Variants in ZMIZ1 observed in about 807,000 individuals in gnomAD.
ZMIZ1 encodes zinc finger MIZ domain-containing protein 1.
ZMIZ1 carries 17 observed loss-of-function variants against 113.9 expected under a neutral mutation model. The observed-to-expected ratio is 0.15, with a 90% confidence interval of 0.10 to 0.22. The LOEUF is 0.22. Ranked by LOEUF, ZMIZ1 falls within the 10% of genes least tolerant of loss-of-function variation. The pLI is 1.00. For synonymous variants in ZMIZ1, 607 were observed against 603.1 expected, an observed-to-expected ratio of 1.01 and a Z score of -0.09; for missense variants, 1,059 against 1,477.8, an observed-to-expected ratio of 0.72 and a Z score of 4.65.
chr10:79,256,339 G>T (rs1169799823), intron 7 of ZMIZ1, among the ~76,000 whole-genome samples: 1 of 152,004 alleles, frequency 6.6e-6, no homozygotes, highest in African/African-American at 2.4e-5. Flanking sequence ...CTATGCTCCT[G>T]GCCTGGCACC....
At chr10:79,218,806 T>C (rs1316044851) in intron 7 of ZMIZ1, among the ~76,000 whole-genome samples, 1 of 151,904 alleles carries the variant, frequency 6.6e-6, no homozygotes, top group Non-Finnish European at 1.5e-5. Context: ...GCAAAGGTGT[T>C]GAGGTAGAAG....
chr10:79,186,833 G>C (rs1039467892), intron 4 of ZMIZ1, among the ~76,000 whole-genome samples: 13 of 152,368 alleles, frequency 8.5e-5, no homozygotes, highest in Middle Eastern at 3.4e-3. Flanking sequence ...AGGCTGACTG[G>C]TCAAAGGGGC....
chr10:79,309,821 G>T (rs753665817), intron 23 of ZMIZ1, among the ~76,000 whole-genome samples: 9 of 152,206 alleles, frequency 5.9e-5, no homozygotes, highest in Admixed American at 2.6e-4. Context: ...AAGGAAGCAT[G>T]TGCCAGGCTG....
chr10:79,236,756 A>G (rs10762854), intron 7 of ZMIZ1, among the ~76,000 whole-genome samples: 47,172 of 152,002 alleles, frequency 0.31, 7,603 homozygotes, highest in East Asian at 0.56. Context: ...TGTGCATTCA[A>G]TCATTCTTGG....
chr10:79,262,437 C>T (rs1851323708), intron 7 of ZMIZ1, among the ~76,000 whole-genome samples: 1 of 152,248 alleles, frequency 6.6e-6, no homozygotes, highest in Admixed American at 6.5e-5. Context: ...TGCTCTGGGA[C>T]CGCACCATCC....
At position 79,272,797 on chromosome 10, in the gene ZMIZ1, C is replaced by G. The variant is rs547960514; in HGVS notation, c.281-4384C>G. ...ACGAGTTGGGTGGTGCGTGCTTTTA[C>G]GTTTTACGCTGAGACATTTGAGGAG... On this transcript the variant is annotated intron_variant, in intron 7 of 24. Transcript: ENST00000334512. Among the ~76,000 whole-genome samples, 5 of 152,314 alleles carry G rather than the reference C, an allele frequency of 3.3e-5. No homozygotes were observed. In the East Asian group the frequency reaches 9.6e-4, roughly 29 times the overall value.
rs56903717 is a variant in ZMIZ1 at position 79,240,638 on chromosome 10, C to CTTTTTTTTTT, written c.280+24382_280+24391dup. On this transcript the variant is annotated intron_variant, in intron 7 of 24. Coordinates refer to ENST00000334512, the MANE Select transcript of ZMIZ1 (RefSeq NM_020338.4). ...CGTAAATCTAGTGAAGAGTATTTATCTTTTTTTTTTTTTTTTTTTTTTTTT... is the reference window on the plus strand; with the variant it reads ...CGTAAATCTAGTGAAGAGTATTTATCTTTTTTTTTTTTTTTTTTTTTTTTTTTTTTTTTTT... Among the ~76,000 whole-genome samples the CTTTTTTTTTT allele has an allele frequency of 2.3e-3, 128 of 55,326 alleles. 14 individuals are homozygous for CTTTTTTTTTT. Among genetic ancestry groups the CTTTTTTTTTT allele is most frequent in the Admixed American group, 7.4e-3 (28 of 3,768 alleles). 36.3% of individuals were successfully genotyped at this position (55,326 alleles called of 152,430 possible). A position where few individuals can be genotyped will look rare whatever the true frequency, so the allele number is the denominator to read the frequency against.
chr10:79,293,979 C>T, intron 12 of ZMIZ1: 1 of 434,064 alleles, frequency 2.3e-6, no homozygotes, highest in Non-Finnish European at 4.3e-6. Flanking sequence ...TGTCTTGGCT[C>T]AGCCACTAAC....
At position 79,240,638 on chromosome 10, in the gene ZMIZ1, C is replaced by CTTTTTTTTTTTTTTTT. The variant is rs56903717; in HGVS notation, c.280+24376_280+24391dup. 6.0e-4 allele frequency among the ~76,000 whole-genome samples: 33 copies of CTTTTTTTTTTTTTTTT among 55,324 alleles called. 5 individuals carry two copies. Among genetic ancestry groups the CTTTTTTTTTTTTTTTT allele is most frequent in the East Asian group, 1.9e-3 (2 of 1,034 alleles). The allele number at this position is 55,324 out of a possible 152,430, so 36.3% of individuals were successfully genotyped here. A position where few individuals can be genotyped will look rare whatever the true frequency, so the allele number is the denominator to read the frequency against. The stretch of plus-strand genomic sequence containing the variant: ...CGTAAATCTAGTGAAGAGTATTTAT[C>CTTTTTTTTTTTTTTTT]TTTTTTTTTTTTTTTTTTTTTTTTT... On this transcript the variant is annotated intron_variant, in intron 7 of 24. Coordinates refer to ENST00000334512, the MANE Select transcript of ZMIZ1 (RefSeq NM_020338.4).
At chr10:79,105,912 T>G (rs1376505677) in intron 1 of ZMIZ1, among the ~76,000 whole-genome samples, 1 of 152,188 alleles carries the variant, frequency 6.6e-6, no homozygotes, top group Non-Finnish European at 1.5e-5. Context: ...TTCCCCTAAG[T>G]GCTCACCAAC....
At chr10:79,304,598 G>A (rs1317549519) in intron 19 of ZMIZ1, among the ~76,000 whole-genome samples, 1 of 152,194 alleles carries the variant, frequency 6.6e-6, no homozygotes, top group Non-Finnish European at 1.5e-5. Flanking sequence ...GAGTAAACAT[G>A]GGCAGCCCGG....
intron 7 of ZMIZ1, among the ~76,000 whole-genome samples, chr10:79,244,576 G>A (rs1306244068): frequency 1.3e-5 from 2 of 152,196 alleles, no homozygotes; most frequent in Admixed American, 1.3e-4. Context: ...TCCTGCAGTG[G>A]GGACCCAGTC....
intron 3 of ZMIZ1, 73 bp from the exon 4 acceptor site, chr10:79,161,980 T>C: frequency 2.5e-6 from 1 of 398,954 alleles, no homozygotes; most frequent in Non-Finnish European, 4.4e-6. Context: ...ATGGTGGCAG[T>C]GGGCAGTGGC....
intron 7 of ZMIZ1, among the ~76,000 whole-genome samples, chr10:79,228,847 C>T (rs55909752): frequency 0.11 from 16,121 of 152,236 alleles, 1,018 homozygotes; most frequent in East Asian, 0.21. Context: ...ATCAGGCTGA[C>T]GTGGGCCTGG....
At chr10:79,300,586 TG>T in intron 16 of ZMIZ1, 145 bp from the exon 17 acceptor site, 2 of 1,041,454 alleles carry the variant, frequency 1.9e-6, no homozygotes, top group Non-Finnish European at 2.7e-6. Context: ...GAACTCAGGC[TG>T]GGGGAATCAT....
In ZMIZ1 at chr10:79,126,093, G is replaced by A. The variant is rs1339930235; in HGVS notation, c.-227+7069G>A. Among the ~76,000 whole-genome samples, 5 of 152,342 alleles carry A rather than the reference G, an allele frequency of 3.3e-5. No individual in the cohort carries two copies. The East Asian group carries it at 7.7e-4, about 24-fold the overall frequency. Reference sequence around the variant, plus strand: ...GACCTGGCTCCGTGGAGCCGCATTTGTGTTCTGCCTCCTGCTGTGAGAGGT... The same window carrying A: ...GACCTGGCTCCGTGGAGCCGCATTTATGTTCTGCCTCCTGCTGTGAGAGGT... On this transcript the variant is annotated intron_variant, in intron 2 of 24. Coordinates refer to ENST00000334512, the MANE Select transcript of ZMIZ1 (RefSeq NM_020338.4).
rs768769045 is a variant in ZMIZ1, at chr10:79,292,150, C to T, written c.759-8C>T. The T allele has an allele frequency of 3.7e-6, 6 of 1,604,588 alleles. No homozygotes were observed. In the East Asian group the frequency reaches 9.0e-5, roughly 24 times the overall value. On this transcript the variant is annotated splice_region_variant and splice_polypyrimidine_tract_variant and intron_variant, in intron 10 of 24. Coordinates refer to ENST00000334512, the MANE Select transcript of ZMIZ1 (RefSeq NM_020338.4). ...GTACCTAACTCTTCCACCCTTCTCC[C>T]CCTGCAGTTACCCTGGGGGTCCTAA...
rs186718893 is a variant in ZMIZ1, at chr10:79,139,793, G to A, written c.-131+16G>A. On this transcript the variant is annotated intron_variant, in intron 3 of 24. Transcript: ENST00000334512. ...ACCCCGAAAGGTAACACCAGCCCCC[G>A]ATGCCCAGGCCATACCATCACCTTT... The A allele has an allele frequency of 3.3e-3, 1,311 of 398,384 alleles. 13 individuals are homozygous for A. The highest frequency in any genetic ancestry group is 0.024 in the African/African-American group (1,175 of 48,722). The allele number at this position is 398,384 out of a possible 1,614,324, so 24.7% of individuals were successfully genotyped here. A position where few individuals can be genotyped will look rare whatever the true frequency, so the allele number is the denominator to read the frequency against.
chr10:79,286,365 G>C (rs1026876328), intron 8 of ZMIZ1, among the ~76,000 whole-genome samples: 1 of 152,262 alleles, frequency 6.6e-6, no homozygotes, highest in Non-Finnish European at 1.5e-5. Flanking sequence ...CAGGGCTGCT[G>C]TGGGGGCCTG....
Sources: allele counts gnomAD v4.1 joint callset (sites outside exome capture counted in the v4.1 genomes callset), GRCh38; gene constraint gnomAD v4.1.1; transcripts MANE v1.5; gene names NCBI Gene and HGNC (gene_info 2026-07-23, HGNC 2026-07-21).